The following PIP4K2A variants were observed in gnomAD, a reference collection of about 807,000 sequenced individuals.
PIP4K2A encodes phosphatidylinositol 5-phosphate 4-kinase type-2 alpha.
A neutral mutation model predicts 42.9 loss-of-function variants in PIP4K2A; 14 were observed. The observed-to-expected ratio is 0.33, with a 90% confidence interval of 0.22 to 0.51. The LOEUF (loss-of-function observed/expected upper bound fraction) is 0.51, where lower values mean the gene tolerates loss of function less well. Among genes scored for constraint, PIP4K2A ranks in the 20% least tolerant of loss-of-function variants. PIP4K2A has a pLI of 0.97. For synonymous variants in PIP4K2A, 192 were observed against 192.2 expected (o/e 1.00, Z 0.01); for missense variants, 434 against 519.8 (o/e 0.83, Z 1.61).
At chr10:22,635,014 G>A (rs1341309181) in intron 1 of PIP4K2A, among the ~76,000 whole-genome samples, 1 of 152,120 alleles carries the variant, frequency 6.6e-6, no homozygotes, top group African/African-American at 2.4e-5. Flanking sequence ...AGAAGACTAC[G>A]ATGGGGTGGA....
In PIP4K2A at chr10:22,612,457, A is replaced by C. The variant is rs181014913; in HGVS notation, c.145-2740T>G. ...AGGAAGAAGGCGAGTCCTAGAGAGG[A>C]GGGGACACTGTTAATGGGAAAACAG... On this transcript the variant is annotated intron_variant, in intron 1 of 9. Transcript: ENST00000376573. Among the ~76,000 whole-genome samples the C allele has an allele frequency of 4.6e-4, 70 of 152,308 alleles. 1 individual carries two copies. The highest frequency in any genetic ancestry group is 3.6e-3 in the Admixed American group (55 of 15,298).
chr10:22,585,785 C>T (rs1369251789), intron 4 of PIP4K2A, among the ~76,000 whole-genome samples: 1 of 151,960 alleles, frequency 6.6e-6, no homozygotes, highest in Non-Finnish European at 1.5e-5. Context: ...TAGTAGAGAC[C>T]GGATTTCACT....
At chr10:22,549,704 G>A (rs1836349974) in intron 7 of PIP4K2A, among the ~76,000 whole-genome samples, 1 of 151,712 alleles carries the variant, frequency 6.6e-6, no homozygotes, top group East Asian at 1.9e-4. Context: ...AGCCAGGCGT[G>A]GTGGCGGGTG....
At chr10:22,599,127 G>A (rs920574195) in intron 3 of PIP4K2A, among the ~76,000 whole-genome samples, 19 of 151,920 alleles carry the variant, frequency 1.3e-4, no homozygotes, top group African/African-American at 1.7e-4. Flanking sequence ...TAAATTAAAC[G>A]AGTTTCAAAC....
At chr10:22,711,085 C>A (rs1833904441) in intron 1 of PIP4K2A, among the ~76,000 whole-genome samples, 1 of 152,144 alleles carries the variant, frequency 6.6e-6, no homozygotes, top group Non-Finnish European at 1.5e-5. Context: ...CAGTTATATT[C>A]TCTGCTTAAA....
chr10:22,693,558 C>G (rs1334998904), intron 1 of PIP4K2A, among the ~76,000 whole-genome samples: 2 of 152,102 alleles, frequency 1.3e-5, no homozygotes, highest in Non-Finnish European at 2.9e-5. Context: ...GATTTCAAGG[C>G]CGTATGTTTA....
At chr10:22,639,333 T>C (rs1281405355) in intron 1 of PIP4K2A, among the ~76,000 whole-genome samples, 1 of 150,428 alleles carries the variant, frequency 6.6e-6, no homozygotes, top group Non-Finnish European at 1.5e-5. Flanking sequence ...ACCCATTTAC[T>C]TTATACTTGA....
intron 6 of PIP4K2A, among the ~76,000 whole-genome samples, chr10:22,563,514 C>T (rs982037174): frequency 6.6e-6 from 1 of 152,190 alleles, no homozygotes; most frequent in Admixed American, 6.5e-5. Flanking sequence ...ACTGTTTCAG[C>T]ACCATATTTA....
intron 7 of PIP4K2A, among the ~76,000 whole-genome samples, chr10:22,547,147 TCTA>T (rs1223513511): frequency 1.3e-5 from 2 of 152,208 alleles, no homozygotes; most frequent in African/African-American, 4.8e-5. Context: ...TTTATTTAAC[TCTA>T]CTAACACACC....
chr10:22,600,781 A>C (rs756720171), intron 3 of PIP4K2A, among the ~76,000 whole-genome samples: 2 of 152,136 alleles, frequency 1.3e-5, no homozygotes. Context: ...TTGAAGACCA[A>C]TGTGGAACTT....
At position 22,536,730 on chromosome 10, in the gene PIP4K2A, A is replaced by AAAAAAAAACAAGACAAAAC. The variant is rs1554791624; in HGVS notation, c.*470_*471insGTTTTGTCTTGTTTTTTTT. 6.7e-6 allele frequency: 1 copy of AAAAAAAAACAAGACAAAAC among 148,690 alleles called. No homozygotes were observed. Among genetic ancestry groups the AAAAAAAAACAAGACAAAAC allele is most frequent in the Non-Finnish European group, 1.5e-5 (1 of 66,902 alleles). The allele number at this position is 148,690 out of a possible 1,614,324, so 9.2% of individuals were successfully genotyped here. ...TTTCAACTCCAAAAAAAAAAAAAAA[A>AAAAAAAAACAAGACAAAAC]AAAAAAAACTGATCCACAGTTTGTT... On this transcript the variant is annotated 3_prime_UTR_variant, in exon 10 of 10. Transcript: ENST00000376573.
rs1414506970 is a variant in PIP4K2A at position 22,664,158 on chromosome 10, T to C, written c.144+50025A>G. Among the ~76,000 whole-genome samples, 25 of 68,024 alleles carry C rather than the reference T, an allele frequency of 3.7e-4. 1 individual carries two copies. Among genetic ancestry groups the C allele is most frequent in the African/African-American group, 2.2e-3 (20 of 9,014 alleles). The allele number at this position is 68,024 out of a possible 152,430, so 44.6% of individuals were successfully genotyped here. ...ATATATATACATATATATACACATA[T>C]ATATATATACATATATATATATACA... is the stretch of plus-strand genomic sequence containing the variant. On this transcript the variant is annotated intron_variant, in intron 1 of 9. Transcript: ENST00000376573.
intron 3 of PIP4K2A, among the ~76,000 whole-genome samples, chr10:22,596,205 C>CAAAAAAAAAAAAAAAAAAAAAAAAAAAA (rs10681238): frequency 4.3e-5 from 3 of 69,708 alleles, no homozygotes; most frequent in African/African-American, 1.9e-4. Flanking sequence ...AACTCCGTCT[C>CAAAAAAAAAAAAAAAAAAAAAAAAAAAA]AAAAAAAAAA....
At chr10:22,712,677 T>C (rs1277726525) in intron 1 of PIP4K2A, among the ~76,000 whole-genome samples, 1 of 152,198 alleles carries the variant, frequency 6.6e-6, no homozygotes, top group Non-Finnish European at 1.5e-5. Flanking sequence ...TGCATGCTCT[T>C]GTAACAACTT....
In PIP4K2A at chr10:22,583,480, C is replaced by T. The variant is rs1011504681; in HGVS notation, c.492+8149G>A. ...AGCATGTGAGGAGCTGGGATCCAAG[C>T]CAAGGTGTTGGAGGTGCTAGACAGA... On this transcript the variant is annotated intron_variant, in intron 4 of 9. Coordinates refer to ENST00000376573, the MANE Select transcript of PIP4K2A (RefSeq NM_005028.5). Among the ~76,000 whole-genome samples, 7 of 152,216 alleles carry T rather than the reference C, an allele frequency of 4.6e-5. No homozygotes were observed. The East Asian group carries it at 1.2e-3, about 25-fold the overall frequency.
At chr10:22,631,125 A>G (rs898625551) in intron 1 of PIP4K2A, among the ~76,000 whole-genome samples, 1 of 152,234 alleles carries the variant, frequency 6.6e-6, no homozygotes, top group Non-Finnish European at 1.5e-5. Flanking sequence ...TTGATGGTCA[A>G]TACAGAGTTT....
chr10:22,624,454 A>G (rs1023770070), intron 1 of PIP4K2A, among the ~76,000 whole-genome samples: 2 of 152,244 alleles, frequency 1.3e-5, no homozygotes, highest in Admixed American at 1.3e-4. Context: ...ATTGCATCAA[A>G]GTAAAGATGA....
chr10:22,608,780 G>C (rs1292105079), intron 2 of PIP4K2A, among the ~76,000 whole-genome samples: 1 of 152,292 alleles, frequency 6.6e-6, no homozygotes, highest in East Asian at 1.9e-4. Flanking sequence ...AGAAGGCTCA[G>C]GAAGGGGGAT....
intron 9 of PIP4K2A, among the ~76,000 whole-genome samples, chr10:22,538,047 G>GAGTC (rs1835981589): frequency 6.6e-6 from 1 of 152,208 alleles, no homozygotes; most frequent in Admixed American, 6.5e-5. Context: ...ACACTCAAGG[G>GAGTC]AGTCACTCAC....
Sources: allele counts gnomAD v4.1 joint callset (sites outside exome capture counted in the v4.1 genomes callset), GRCh38; gene constraint gnomAD v4.1.1; transcripts MANE v1.5; gene names NCBI Gene and HGNC (gene_info 2026-07-23, HGNC 2026-07-21).